The following SCLT1 variants were observed in gnomAD, a reference collection of about 807,000 sequenced individuals.
SCLT1 encodes sodium channel and clathrin linker 1, also known as sodium channel-associated protein 1.
A neutral mutation model predicts 112.8 loss-of-function variants in SCLT1; 78 were observed. The ratio of observed to expected loss-of-function variants is 0.69; its 90% confidence interval spans 0.58 to 0.83. The LOEUF is 0.83. SCLT1 is among the 40% of genes least tolerant of loss of function. The probability of loss-of-function intolerance (pLI) is 0.00; values close to 1 mark genes in which losing one functional copy is unlikely to be tolerated. For synonymous variants in SCLT1, 257 were observed against 254.7 expected (o/e 1.01, Z -0.09); for missense variants, 747 against 770.4 (o/e 0.97, Z 0.36).
intron 12 of SCLT1, among the ~76,000 whole-genome samples, chr4:128,957,825 A>G (rs1310845563): frequency 6.6e-6 from 1 of 152,122 alleles, no homozygotes; most frequent in Non-Finnish European, 1.5e-5. Flanking sequence ...TGAAATATTT[A>G]CTTTCCTCTC....
chr4:128,896,255 A>C, intron 18 of SCLT1, among the ~76,000 whole-genome samples: 1 of 152,086 alleles, frequency 6.6e-6, no homozygotes, highest in Middle Eastern at 3.2e-3. Flanking sequence ...TGGGTCCCTG[A>C]CCCCCAAGTA....
intron 10 of SCLT1, among the ~76,000 whole-genome samples, chr4:128,969,836 C>A (rs991514685): frequency 6.6e-6 from 1 of 152,118 alleles, no homozygotes; most frequent in Non-Finnish European, 1.5e-5. Context: ...CTTAGAAAAT[C>A]TACCATTATT....
chr4:129,080,043 C>T (rs72926073), intron 2 of SCLT1, among the ~76,000 whole-genome samples: 2,192 of 152,322 alleles, frequency 0.014, 48 homozygotes, highest in African/African-American at 0.044. Context: ...GAGCAATGTC[C>T]TGAGGTTGTA....
chr4:128,933,471 G>A (rs1736937108), intron 18 of SCLT1, among the ~76,000 whole-genome samples: 1 of 152,006 alleles, frequency 6.6e-6, no homozygotes, highest in Non-Finnish European at 1.5e-5. Context: ...GTTGGTCCAT[G>A]GGCCATTTTG....
At chr4:129,084,405 C>A in intron 1 of SCLT1, among the ~76,000 whole-genome samples, 1 of 147,782 alleles carries the variant, frequency 6.8e-6, no homozygotes, top group South Asian at 2.2e-4. Context: ...AGTTAGAAAA[C>A]AGTAAAAGAT....
intron 5 of SCLT1, 122 bp from the exon 6 acceptor site, chr4:129,003,998 A>G (rs1743771497): frequency 1.2e-6 from 1 of 825,408 alleles, no homozygotes; most frequent in Admixed American, 2.6e-5. Flanking sequence ...TTTTAAGTAG[A>G]CTTCAAATAA....
chr4:129,050,143 T>C lies in SCLT1; in HGVS notation c.103-6092A>G, dbSNP rs573810918. ...TTTTCTTTATCCAGTCTATCATTGATAGGCATTTGGGTTGGTTCCAAGTCT... is the reference window on the plus strand; with the variant it reads ...TTTTCTTTATCCAGTCTATCATTGACAGGCATTTGGGTTGGTTCCAAGTCT... On this transcript the variant is annotated intron_variant, in intron 2 of 20. Transcript: ENST00000281142. Among the ~76,000 whole-genome samples the C allele has an allele frequency of 3.5e-4, 53 of 152,368 alleles. 1 individual carries two copies. The South Asian group carries it at 6.6e-3, about 19-fold the overall frequency.
intron 18 of SCLT1, among the ~76,000 whole-genome samples, chr4:128,899,258 C>A (rs372704802): frequency 1.3e-5 from 2 of 152,034 alleles, no homozygotes; most frequent in African/African-American, 4.8e-5. Context: ...TGATGAACAT[C>A]GATGCAAAAA....
downstream of SCLT1, among the ~76,000 whole-genome samples, chr4:128,882,972 C>G (rs1732676135): frequency 6.6e-6 from 1 of 151,894 alleles, no homozygotes; most frequent in African/African-American, 2.4e-5. Context: ...GATGGTGAAA[C>G]CCCATCTCTA....
In SCLT1 at chr4:128,996,614, A is replaced by G. The variant is rs574481685; in HGVS notation, c.615+1260T>C. On this transcript the variant is annotated intron_variant, in intron 8 of 20. Transcript: ENST00000281142. ...TTGTTTGCTATTCATTATATACATT[A>G]AGAACAACTTAAATTTTAAAATTTC... is the stretch of plus-strand genomic sequence containing the variant. Among the ~76,000 whole-genome samples, 5 of 152,216 alleles carry G rather than the reference A, an allele frequency of 3.3e-5. No individual in the cohort carries two copies. In the East Asian group the frequency reaches 7.7e-4, roughly 23 times the overall value.
chr4:128,960,103 A>G (rs1353670500), intron 11 of SCLT1, among the ~76,000 whole-genome samples: 1 of 152,204 alleles, frequency 6.6e-6, no homozygotes, highest in African/African-American at 2.4e-5. Flanking sequence ...ATATAGTTAC[A>G]TGACAATGAT....
intron 2 of SCLT1, among the ~76,000 whole-genome samples, chr4:129,080,913 TC>T (rs968052355): frequency 1.5e-4 from 23 of 152,100 alleles, no homozygotes; most frequent in Non-Finnish European, 3.1e-4. Flanking sequence ...TGAGTTGGTC[TC>T]CCCCGTGTGA....
intron 10 of SCLT1, among the ~76,000 whole-genome samples, chr4:128,969,298 C>G (rs57542268): frequency 2.0e-5 from 3 of 152,152 alleles, no homozygotes; most frequent in African/African-American, 4.8e-5. Flanking sequence ...GCTGGCCGGG[C>G]GCGGTGGCTC....
intron 12 of SCLT1, among the ~76,000 whole-genome samples, chr4:128,959,128 C>A (rs1739461669): frequency 6.6e-6 from 1 of 152,100 alleles, no homozygotes; most frequent in African/African-American, 2.4e-5. Context: ...ACAGGAATCA[C>A]AATTGTTAGA....
intron 4 of SCLT1, among the ~76,000 whole-genome samples, chr4:128,875,583 C>T (rs932609839): frequency 2.0e-5 from 3 of 152,166 alleles, no homozygotes; most frequent in African/African-American, 7.2e-5. Context: ...GTCACTTAAC[C>T]GTTTTAAGCC....
intron 10 of SCLT1, 77 bp downstream of exon 10, chr4:128,970,301 C>A (rs1332448067): frequency 6.2e-6 from 5 of 808,148 alleles, no homozygotes; most frequent in Non-Finnish European, 8.5e-6. Context: ...CTCTTTAACA[C>A]CTAATCCAAA....
intron 18 of SCLT1, among the ~76,000 whole-genome samples, chr4:128,919,835 C>T (rs1452440978): frequency 6.6e-6 from 1 of 151,910 alleles, no homozygotes; most frequent in Admixed American, 6.6e-5. Flanking sequence ...TACAACCTTC[C>T]AATATTGAAC....
At chr4:129,014,742 A>G (rs1456247220) in intron 5 of SCLT1, among the ~76,000 whole-genome samples, 4 of 152,332 alleles carry the variant, frequency 2.6e-5, no homozygotes, top group East Asian at 3.9e-4. Flanking sequence ...AGTGTCAGCC[A>G]AAGTGTTTCA....
Position 129,093,241 on chromosome 4 carries a change from CT to C in SCLT1, c.-139del. ...CTCCAGCGGTGCAATCTGCATCCTA[CT>C]CACGCGGCATCTACAGCCCCGCCAC... On this transcript the variant is annotated 5_prime_UTR_variant, in exon 1 of 21. The change abolishes the stop of an existing upstream ORF in the 5' untranslated region. Coordinates refer to ENST00000281142, the MANE Select transcript of SCLT1 (RefSeq NM_144643.4). 1.3e-6 allele frequency: 1 copy of C among 742,168 alleles called. No homozygotes were observed. 46.0% of individuals were successfully genotyped at this position (742,168 alleles called of 1,614,324 possible).
Sources: allele counts gnomAD v4.1 joint callset (sites outside exome capture counted in the v4.1 genomes callset), GRCh38; gene constraint gnomAD v4.1.1; transcripts MANE v1.5; gene names NCBI Gene and HGNC (gene_info 2026-07-23, HGNC 2026-07-21).